GMDS: variants seen among roughly 807,000 people sequenced by gnomAD.
The protein encoded by GMDS is GDP-mannose 4,6-dehydratase.
A neutral mutation model predicts 49.9 loss-of-function variants in GMDS; 20 were observed. The observed-to-expected ratio is 0.40, with a 90% confidence interval of 0.28 to 0.58. The LOEUF (loss-of-function observed/expected upper bound fraction) is 0.58, where lower values mean the gene tolerates loss of function less well. GMDS is among the 20% of genes least tolerant of loss of function. The pLI is 0.42. For missense variants in GMDS, 362 were observed against 481.4 expected, an observed-to-expected ratio of 0.75 and a Z score of 2.32; for synonymous variants, 177 against 178.6, an observed-to-expected ratio of 0.99 and a Z score of 0.07.
intron 4 of GMDS, among the ~76,000 whole-genome samples, chr6:2,059,684 G>GGC (rs1157174358): frequency 5.2e-5 from 4 of 77,286 alleles, no homozygotes; most frequent in Non-Finnish European, 9.6e-5. Context: ...CTCCAGCCTG[G>GGC]GCGACAGAGC....
intron 9 of GMDS, among the ~76,000 whole-genome samples, chr6:1,699,015 C>A (rs947576234): frequency 6.6e-6 from 1 of 152,076 alleles, no homozygotes; most frequent in Admixed American, 6.5e-5. Context: ...CAGCTCAGAC[C>A]TTTAAAAAGT....
chr6:1,680,433 T>A (rs1581449699), intron 9 of GMDS, among the ~76,000 whole-genome samples: 1 of 152,150 alleles, frequency 6.6e-6, no homozygotes, highest in South Asian at 2.1e-4. Context: ...CTATCAGCAT[T>A]TGCCAACATT....
chr6:1,842,894 T>G (rs1757209048), intron 7 of GMDS, among the ~76,000 whole-genome samples: 2 of 151,886 alleles, frequency 1.3e-5, no homozygotes, highest in South Asian at 4.2e-4. Context: ...GCAGGTGGAT[T>G]GCTTGAGCTC....
intron 9 of GMDS, among the ~76,000 whole-genome samples, chr6:1,711,026 C>T (rs1765938924): frequency 1.3e-5 from 2 of 152,222 alleles, no homozygotes; most frequent in South Asian, 4.1e-4. Flanking sequence ...CCGGACCTGG[C>T]AGTTCAGCTT....
At chr6:1,676,106 G>A (rs1464338504) in intron 9 of GMDS, among the ~76,000 whole-genome samples, 3 of 152,224 alleles carry the variant, frequency 2.0e-5, no homozygotes, top group South Asian at 2.1e-4. Context: ...AAATCAATGT[G>A]CAAAAATCAC....
intron 9 of GMDS, among the ~76,000 whole-genome samples, chr6:1,674,879 G>A (rs1040972731): frequency 6.7e-6 from 1 of 148,858 alleles, no homozygotes; most frequent in Non-Finnish European, 1.5e-5. Context: ...ATAATTTTTA[G>A]ACTTACAACT....
chr6:2,158,259 G>A (rs1012289708), intron 1 of GMDS, among the ~76,000 whole-genome samples: 1 of 151,996 alleles, frequency 6.6e-6, no homozygotes, highest in African/African-American at 2.4e-5. Context: ...AAAAACAATA[G>A]CAAAATAAAA....
chr6:1,749,382 G>A (rs1248322819), intron 7 of GMDS, among the ~76,000 whole-genome samples: 2 of 151,942 alleles, frequency 1.3e-5, no homozygotes, highest in Admixed American at 1.3e-4. Context: ...GAGGTGAGGA[G>A]TTTAAGACCA....
chr6:1,949,048 G>T, intron 6 of GMDS: 1 of 975,456 alleles, frequency 1.0e-6, no homozygotes, highest in Non-Finnish European at 1.2e-6. Context: ...GCCTCCAACA[G>T]GGTCTTTCAC....
chr6:2,056,919 AT>A (rs1770814035), intron 4 of GMDS, among the ~76,000 whole-genome samples: 1 of 152,212 alleles, frequency 6.6e-6, no homozygotes, highest in Non-Finnish European at 1.5e-5. Context: ...AAATAAAAAA[AT>A]GTATTACTGG....
chr6:1,691,596 C>T (rs980383983), intron 9 of GMDS, among the ~76,000 whole-genome samples: 2 of 152,026 alleles, frequency 1.3e-5, no homozygotes, highest in Non-Finnish European at 2.9e-5. Context: ...CTTAAGTGTC[C>T]CTTTGGGAAC....
intron 4 of GMDS, among the ~76,000 whole-genome samples, chr6:2,025,590 TATTATTATCC>T (rs1313857892): frequency 2.6e-5 from 4 of 152,088 alleles, no homozygotes; most frequent in African/African-American, 9.7e-5. Flanking sequence ...ATTATACAGC[TATTATTATCC>T]AAGTAAATTA....
chr6:2,156,456 G>A (rs913537961), intron 1 of GMDS, among the ~76,000 whole-genome samples: 5 of 152,116 alleles, frequency 3.3e-5, no homozygotes, highest in African/African-American at 1.2e-4. Flanking sequence ...CAAATGGTGA[G>A]ATTAATAAGA....
At chr6:1,753,728 C>T (rs897297767) in intron 7 of GMDS, among the ~76,000 whole-genome samples, 33 of 152,282 alleles carry the variant, frequency 2.2e-4, no homozygotes, top group Middle Eastern at 3.4e-3. Flanking sequence ...GATTAAGAAA[C>T]GCACTCAAAA....
chr6:1,729,454 T>G (rs1481228478), intron 8 of GMDS, among the ~76,000 whole-genome samples: 1 of 152,238 alleles, frequency 6.6e-6, no homozygotes, highest in African/African-American at 2.4e-5. Flanking sequence ...CTACATTGAA[T>G]GAGCAAATGT....
intron 1 of GMDS, among the ~76,000 whole-genome samples, chr6:2,185,647 A>G (rs982388089): frequency 6.6e-5 from 10 of 152,190 alleles, no homozygotes; most frequent in African/African-American, 2.4e-4. Context: ...CTTCACCCAC[A>G]TGTCTCAGAT....
At chr6:1,899,086 A>C (rs1334777163) in intron 7 of GMDS, among the ~76,000 whole-genome samples, 1 of 152,206 alleles carries the variant, frequency 6.6e-6, no homozygotes, top group East Asian at 1.9e-4. Context: ...TTAGAAAGAA[A>C]GCTTCCTTTC....
At chr6:1,699,125 G>A (rs888814219) in intron 9 of GMDS, among the ~76,000 whole-genome samples, 1 of 152,158 alleles carries the variant, frequency 6.6e-6, no homozygotes, top group African/African-American at 2.4e-5. Context: ...TGTGGAGTGA[G>A]GGGCTGCCAG....
At chr6:1,878,242 G>A (rs1220654822) in intron 7 of GMDS, among the ~76,000 whole-genome samples, 10 of 149,584 alleles carry the variant, frequency 6.7e-5, no homozygotes, top group African/African-American at 2.5e-4. Context: ...ATGAACCTGG[G>A]AGGCGGAGCT....
Sources: allele counts gnomAD v4.1 joint callset (sites outside exome capture counted in the v4.1 genomes callset), GRCh38; gene constraint gnomAD v4.1.1; transcripts MANE v1.5; gene names NCBI Gene and HGNC (gene_info 2026-07-23, HGNC 2026-07-21).